CNTNAP2: variants seen among roughly 807,000 people sequenced by gnomAD.
CNTNAP2 encodes contactin-associated protein-like 2.
Under a neutral mutation model 155.2 loss-of-function variants are expected in CNTNAP2, and 98 were observed. The observed-to-expected ratio is 0.63, with a 90% CI of 0.54 to 0.75. CNTNAP2 has a LOEUF of 0.75. CNTNAP2 is among the 30% of genes least tolerant of loss of function. CNTNAP2 has a pLI of 0.00. For missense variants in CNTNAP2, 1,727 were observed against 1,688.1 expected (o/e 1.02, Z -0.40); for synonymous variants, 651 against 631.2 (o/e 1.03, Z -0.47).
At chr7:147,319,237 C>T (rs1396300274) in intron 9 of CNTNAP2, among the ~76,000 whole-genome samples, 1 of 152,114 alleles carries the variant, frequency 6.6e-6, no homozygotes, top group Admixed American at 6.6e-5. Flanking sequence ...CTTTACCATA[C>T]TTCTTAATTC....
chr7:148,268,386 G>T (rs1005010833), intron 21 of CNTNAP2, among the ~76,000 whole-genome samples: 34 of 152,208 alleles, frequency 2.2e-4, no homozygotes, highest in African/African-American at 8.2e-4. Context: ...GGGCGTGGCG[G>T]CTCATGTCTG....
At chr7:146,435,298 G>A (rs1474497071) in intron 1 of CNTNAP2, among the ~76,000 whole-genome samples, 1 of 152,060 alleles carries the variant, frequency 6.6e-6, no homozygotes, top group Non-Finnish European at 1.5e-5. Flanking sequence ...TATAATTCTT[G>A]TAAATTTAAC....
At chr7:147,975,524 A>G (rs143483963) in intron 14 of CNTNAP2, among the ~76,000 whole-genome samples, 2 of 152,290 alleles carry the variant, frequency 1.3e-5, no homozygotes, top group African/African-American at 4.8e-5. Context: ...TATCTTATAG[A>G]TGCTGGAAGG....
chr7:146,849,471 T>C (rs376023950), intron 3 of CNTNAP2, among the ~76,000 whole-genome samples: 43 of 152,204 alleles, frequency 2.8e-4, no homozygotes, highest in African/African-American at 1.0e-3. Context: ...GAAAATACTA[T>C]TGAATACATA....
chr7:146,758,973 ATG>A (rs1802038765), intron 1 of CNTNAP2, among the ~76,000 whole-genome samples: 4 of 152,178 alleles, frequency 2.6e-5, no homozygotes, highest in Non-Finnish European at 4.4e-5. Flanking sequence ...ACTGGTGATG[ATG>A]GCAAAATGAT....
At chr7:147,552,361 A>G (rs1306473177) in intron 11 of CNTNAP2, among the ~76,000 whole-genome samples, 2 of 152,190 alleles carry the variant, frequency 1.3e-5, no homozygotes, top group African/African-American at 4.8e-5. Flanking sequence ...AATTCCATAA[A>G]TTACAGTAAA....
chr7:146,925,606 C>T (rs747502167), intron 3 of CNTNAP2, among the ~76,000 whole-genome samples: 37 of 151,960 alleles, frequency 2.4e-4, no homozygotes, highest in Admixed American at 1.2e-3. Context: ...TTAAAGAAGG[C>T]GGGGATGCTA....
chr7:148,058,664 G>C (rs994730742), intron 15 of CNTNAP2, among the ~76,000 whole-genome samples: 1 of 152,130 alleles, frequency 6.6e-6, no homozygotes, highest in Non-Finnish European at 1.5e-5. Flanking sequence ...GGGACTAGGG[G>C]GCTGCAGAGG....
At chr7:148,056,084 A>G (rs1187283700) in intron 15 of CNTNAP2, among the ~76,000 whole-genome samples, 3 of 152,234 alleles carry the variant, frequency 2.0e-5, no homozygotes, top group Admixed American at 2.0e-4. Context: ...AAAGATATGC[A>G]GACTGTATAG....
intron 13 of CNTNAP2, chr7:147,673,250 G>A (rs1285727255): frequency 2.6e-5 from 4 of 152,182 alleles, no homozygotes; most frequent in Non-Finnish European, 5.9e-5. Flanking sequence ...TCAGTTGTTG[G>A]TATTGTCTGG....
intron 21 of CNTNAP2, among the ~76,000 whole-genome samples, chr7:148,297,008 A>C (rs893120961): frequency 2.4e-4 from 36 of 152,266 alleles, no homozygotes; most frequent in African/African-American, 8.7e-4. Context: ...GATAAAGAAC[A>C]CTCAAGACAC....
At chr7:148,245,834 C>T (rs1197357620) in intron 20 of CNTNAP2, among the ~76,000 whole-genome samples, 3 of 152,094 alleles carry the variant, frequency 2.0e-5, no homozygotes, top group Admixed American at 2.0e-4. Flanking sequence ...CGTACAGGGC[C>T]GGGTCACAAA....
At chr7:147,325,656 T>C (rs1238874071) in intron 9 of CNTNAP2, among the ~76,000 whole-genome samples, 1 of 152,198 alleles carries the variant, frequency 6.6e-6, no homozygotes, top group Non-Finnish European at 1.5e-5. Context: ...TGGGAAAAAA[T>C]ATGTTAGTCA....
At chr7:147,135,300 C>A (rs1051996493) in intron 8 of CNTNAP2, among the ~76,000 whole-genome samples, 3 of 151,682 alleles carry the variant, frequency 2.0e-5, no homozygotes, top group Non-Finnish European at 4.4e-5. Context: ...GATTATCTTA[C>A]CATGAAAATA....
chr7:146,220,201 GA>G (rs1406208093), intron 1 of CNTNAP2, among the ~76,000 whole-genome samples: 1 of 152,052 alleles, frequency 6.6e-6, no homozygotes, highest in Admixed American at 6.6e-5. Flanking sequence ...CATATAATGT[GA>G]TATATTTTGT....
rs142133063 is a variant in CNTNAP2 at position 147,532,241 on chromosome 7, C to T, written c.1778-29897C>T. 1.4e-3 allele frequency among the ~76,000 whole-genome samples: 218 copies of T among 152,238 alleles called. 1 individual carries two copies. Among genetic ancestry groups the T allele is most frequent in the African/African-American group, 4.9e-3 (203 of 41,550 alleles). The stretch of plus-strand genomic sequence containing the variant: ...TGTTTTGCTGCTTAGAAATTTATTC[C>T]GCCAGATGCCGTAAATCAACTCTCT... On this transcript the variant is annotated intron_variant, in intron 11 of 23. Transcript: ENST00000361727.
chr7:146,894,099 A>G (rs1795830715), intron 3 of CNTNAP2, among the ~76,000 whole-genome samples: 1 of 152,190 alleles, frequency 6.6e-6, no homozygotes, highest in Non-Finnish European at 1.5e-5. Context: ...TTCACTTATA[A>G]CACACCTGCC....
chr7:147,865,900 GT>G (rs1203837398), intron 13 of CNTNAP2, among the ~76,000 whole-genome samples: 1 of 151,930 alleles, frequency 6.6e-6, no homozygotes, highest in Non-Finnish European at 1.5e-5. Flanking sequence ...TTTTTGAAGG[GT>G]TTTTTTGTGT....
chr7:146,575,752 C>A (rs1371346026), intron 1 of CNTNAP2, among the ~76,000 whole-genome samples: 3 of 152,130 alleles, frequency 2.0e-5, no homozygotes, highest in African/African-American at 7.2e-5. Flanking sequence ...GCGATAAAAT[C>A]TTTCTAAACT....
Sources: allele counts gnomAD v4.1 joint callset (sites outside exome capture counted in the v4.1 genomes callset), GRCh38; gene constraint gnomAD v4.1.1; transcripts MANE v1.5; gene names NCBI Gene and HGNC (gene_info 2026-07-23, HGNC 2026-07-21).